The following UNC5C variants were observed in gnomAD, a reference collection of about 807,000 sequenced individuals.
UNC5C encodes the protein netrin receptor UNC5C.
A neutral mutation model predicts 99.8 loss-of-function variants in UNC5C; 47 were observed. The observed-to-expected ratio is 0.47, with a 90% CI of 0.37 to 0.60. The LOEUF (loss-of-function observed/expected upper bound fraction) is 0.60, where lower values mean the gene tolerates loss of function less well. Ranked by LOEUF, UNC5C falls within the 20% of genes least tolerant of loss-of-function variation. The pLI, the probability that UNC5C is intolerant of heterozygous loss-of-function variation, is 0.00. For missense variants in UNC5C, 1,062 were observed against 1,165.9 expected, an observed-to-expected ratio of 0.91 and a Z score of 1.30; for synonymous variants, 487 against 452.2, an observed-to-expected ratio of 1.08 and a Z score of -0.98.
At chr4:95,308,801 A>G (rs557871449) in intron 2 of UNC5C, among the ~76,000 whole-genome samples, 1 of 148,848 alleles carries the variant, frequency 6.7e-6, no homozygotes, top group South Asian at 2.1e-4. Flanking sequence ...AAAAACATGA[A>G]TGGAAAGATA....
intron 2 of UNC5C, among the ~76,000 whole-genome samples, chr4:95,332,861 A>C (rs1282804394): frequency 6.6e-6 from 1 of 152,112 alleles, no homozygotes; most frequent in African/African-American, 2.4e-5. Flanking sequence ...AATGAACTCA[A>C]ACAAATTTAC....
chr4:95,303,277 A>T (rs1259590202), intron 2 of UNC5C, among the ~76,000 whole-genome samples: 1 of 152,222 alleles, frequency 6.6e-6, no homozygotes, highest in African/African-American at 2.4e-5. Flanking sequence ...CTCACTGAAT[A>T]GGAATCTCTG....
intron 1 of UNC5C, among the ~76,000 whole-genome samples, chr4:95,525,405 T>C (rs1292609027): frequency 6.6e-6 from 1 of 152,212 alleles, no homozygotes; most frequent in East Asian, 1.9e-4. Context: ...ATTCACTCTT[T>C]CTATTCAGTC....
intron 1 of UNC5C, among the ~76,000 whole-genome samples, chr4:95,462,363 G>A (rs1747629374): frequency 6.6e-6 from 1 of 152,144 alleles, no homozygotes; most frequent in Non-Finnish European, 1.5e-5. Flanking sequence ...AATACTTACT[G>A]AGTGGTAAAC....
intron 2 of UNC5C, among the ~76,000 whole-genome samples, chr4:95,319,548 G>A (rs1742602138): frequency 6.6e-6 from 1 of 152,130 alleles, no homozygotes; most frequent in Admixed American, 6.6e-5. Context: ...TGTTACATGG[G>A]CTGGTTTTTA....
intron 10 of UNC5C, among the ~76,000 whole-genome samples, chr4:95,212,346 C>A (rs1021154456): frequency 6.6e-6 from 1 of 152,128 alleles, no homozygotes; most frequent in African/African-American, 2.4e-5. Context: ...TGTTGAGGCT[C>A]CATCTTGGAG....
intron 1 of UNC5C, among the ~76,000 whole-genome samples, chr4:95,408,901 T>C (rs1235675077): frequency 1.3e-5 from 2 of 152,164 alleles, no homozygotes; most frequent in African/African-American, 4.8e-5. Flanking sequence ...CCCCTTTCAC[T>C]TGGGAGCCTA....
chr4:95,522,746 T>C (rs1380653561), intron 1 of UNC5C, among the ~76,000 whole-genome samples: 8 of 152,186 alleles, frequency 5.3e-5, no homozygotes, highest in African/African-American at 1.7e-4. Context: ...AATATTTTAA[T>C]CTTAACCTCT....
At chr4:95,502,658 C>T (rs1721806033) in intron 1 of UNC5C, among the ~76,000 whole-genome samples, 1 of 152,148 alleles carries the variant, frequency 6.6e-6, no homozygotes, top group African/African-American at 2.4e-5. Context: ...TCAGCACAGG[C>T]TTGACACACA....
intron 7 of UNC5C, among the ~76,000 whole-genome samples, chr4:95,220,468 C>G (rs1738431821): frequency 6.6e-6 from 1 of 152,002 alleles, no homozygotes; most frequent in Admixed American, 6.6e-5. Flanking sequence ...CCATCCCAAC[C>G]CACAGGAAAA....
intron 4 of UNC5C, among the ~76,000 whole-genome samples, chr4:95,262,144 G>A (rs1740261619): frequency 6.6e-6 from 1 of 152,180 alleles, no homozygotes; most frequent in South Asian, 2.1e-4. Context: ...GAATAATTGG[G>A]AATATTAGTG....
chr4:95,449,155 A>G (rs1259471676), intron 1 of UNC5C, among the ~76,000 whole-genome samples: 2 of 152,230 alleles, frequency 1.3e-5, no homozygotes. Context: ...GAACATCCAT[A>G]CCTGGTAACA....
intron 1 of UNC5C, among the ~76,000 whole-genome samples, chr4:95,356,716 A>G (rs1252113039): frequency 6.6e-6 from 1 of 152,178 alleles, no homozygotes; most frequent in Non-Finnish European, 1.5e-5. Context: ...GTAACAAGGC[A>G]AGAGAAAGAG....
At chr4:95,426,158 C>T (rs1295238072) in intron 1 of UNC5C, among the ~76,000 whole-genome samples, 1 of 152,204 alleles carries the variant, frequency 6.6e-6, no homozygotes, top group African/African-American at 2.4e-5. Flanking sequence ...CTTCATATCT[C>T]TATGTCACAT....
intron 1 of UNC5C, among the ~76,000 whole-genome samples, chr4:95,343,318 G>T (rs1329069772): frequency 6.6e-6 from 1 of 152,088 alleles, no homozygotes; most frequent in East Asian, 1.9e-4. Flanking sequence ...AGACAGAGAA[G>T]GAGACTCTGC....
At chr4:95,330,382 C>A (rs1454712497) in intron 2 of UNC5C, among the ~76,000 whole-genome samples, 1 of 152,064 alleles carries the variant, frequency 6.6e-6, no homozygotes, top group Non-Finnish European at 1.5e-5. Flanking sequence ...AAGAATATGT[C>A]TTTCCTTAAT....
intron 7 of UNC5C, among the ~76,000 whole-genome samples, chr4:95,223,958 C>CT (rs1419251700): frequency 6.6e-6 from 1 of 152,130 alleles, no homozygotes; most frequent in Non-Finnish European, 1.5e-5. Flanking sequence ...TTTACAAATG[C>CT]TATGATGCTC....
chr4:95,219,817 C>T (rs1738399974), intron 8 of UNC5C, among the ~76,000 whole-genome samples, 168 bp downstream of exon 8: 2 of 152,186 alleles, frequency 1.3e-5, no homozygotes, highest in Admixed American at 6.5e-5. Context: ...ATCTTGTTAA[C>T]TCTAATTTGT....
chr4:95,501,828 A>T (rs1560486214), intron 1 of UNC5C, among the ~76,000 whole-genome samples: 1 of 152,178 alleles, frequency 6.6e-6, no homozygotes. Flanking sequence ...TCTTACAGTG[A>T]TGAATGACCT....
Sources: allele counts gnomAD v4.1 joint callset (sites outside exome capture counted in the v4.1 genomes callset), GRCh38; gene constraint gnomAD v4.1.1; transcripts MANE v1.5; gene names NCBI Gene and HGNC (gene_info 2026-07-23, HGNC 2026-07-21).